Variants in ZBBX observed in about 807,000 individuals in gnomAD.
ZBBX encodes the protein zinc finger B-box domain-containing protein 1.
In ZBBX, 101 loss-of-function variants were observed where a neutral mutation model predicts 108.5. The observed-to-expected ratio is 0.93, with a 90% CI of 0.79 to 1.10. ZBBX has a LOEUF of 1.10. ZBBX is among the 50% of genes least tolerant of loss of function. The pLI is 0.00. For missense variants in ZBBX, 1,009 were observed against 941.4 expected, an observed-to-expected ratio of 1.07 and a Z score of -0.94; for synonymous variants, 356 against 323.4, an observed-to-expected ratio of 1.10 and a Z score of -1.08.
chr3:167,297,551 A>G (rs896403043), intron 18 of ZBBX, among the ~76,000 whole-genome samples: 1 of 151,702 alleles, frequency 6.6e-6, no homozygotes, highest in African/African-American at 2.4e-5. Context: ...TAAAAACTGG[A>G]AAAAAACTGC....
At chr3:167,215,693 C>A in the ZBBX span, among the ~76,000 whole-genome samples, 1 of 152,096 alleles carries the variant, frequency 6.6e-6, no homozygotes. Context: ...AAACTTCAGG[C>A]CAATATTCTT....
chr3:167,396,226 A>G (rs1378729062), intron 1 of ZBBX, among the ~76,000 whole-genome samples: 1 of 151,980 alleles, frequency 6.6e-6, no homozygotes, highest in East Asian at 1.9e-4. Context: ...CTGTTGCAGG[A>G]TACATTTCCC....
chr3:167,232,381 A>G, the ZBBX span, among the ~76,000 whole-genome samples: 4 of 151,974 alleles, frequency 2.6e-5, no homozygotes, highest in East Asian at 7.8e-4. Flanking sequence ...TCACCTTGGC[A>G]TCTATCTGAT....
chr3:167,230,835 T>C, the ZBBX span, among the ~76,000 whole-genome samples: 1 of 151,862 alleles, frequency 6.6e-6, no homozygotes, highest in Non-Finnish European at 1.5e-5. Flanking sequence ...TATGATCTTA[T>C]CTTCATTTTT....
At chr3:167,377,120 A>G (rs1227987309) in intron 2 of ZBBX, among the ~76,000 whole-genome samples, 2 of 152,156 alleles carry the variant, frequency 1.3e-5, no homozygotes, top group Admixed American at 1.3e-4. Flanking sequence ...TTCTGTCTAC[A>G]ACCCCATTTT....
intron 20 of ZBBX, among the ~76,000 whole-genome samples, chr3:167,271,464 A>T (rs1231984276): frequency 6.6e-6 from 1 of 152,154 alleles, no homozygotes; most frequent in Non-Finnish European, 1.5e-5. Flanking sequence ...CCGTGGAAAA[A>T]GAAAAATTAA....
Position 167,386,044 on chromosome 3 carries a change from C to G in ZBBX, c.-445-5639G>C, listed in dbSNP as rs148822133. Among the ~76,000 whole-genome samples, 1,466 of 152,000 alleles carry G rather than the reference C, an allele frequency of 9.6e-3. 17 individuals carry two copies. Among genetic ancestry groups the G allele is most frequent in the African/African-American group, 0.033 (1,365 of 41,466 alleles). On this transcript the variant is annotated intron_variant, in intron 1 of 21. Coordinates refer to the ZBBX transcript ENST00000455345. ...TATTGAACAGGAGTCCAAACTGAACCAGTCAGATACTCTCCTGTGAGAATA... is the reference window on the plus strand; with the variant it reads ...TATTGAACAGGAGTCCAAACTGAACGAGTCAGATACTCTCCTGTGAGAATA...
chr3:167,350,348 G>C, intron 9 of ZBBX, 72 bp downstream of exon 9: 1 of 1,193,074 alleles, frequency 8.4e-7, no homozygotes, highest in Non-Finnish European at 1.2e-6. Flanking sequence ...GATAACTAAA[G>C]ACATTTTAAA....
chr3:167,386,469 C>A (rs755645326), intron 1 of ZBBX, among the ~76,000 whole-genome samples: 35 of 151,880 alleles, frequency 2.3e-4, no homozygotes, highest in Non-Finnish European at 4.7e-4. Flanking sequence ...AGCAGTAGAG[C>A]GTTGATCTGT....
chr3:167,220,724 G>C, the ZBBX span, among the ~76,000 whole-genome samples: 9 of 151,914 alleles, frequency 5.9e-5, no homozygotes, highest in Admixed American at 1.3e-4. Flanking sequence ...AGAAGTCCTA[G>C]CTAGAGCAAT....
downstream of ZBBX, among the ~76,000 whole-genome samples, chr3:167,239,349 T>C (rs1483311663): frequency 6.6e-6 from 1 of 152,098 alleles, no homozygotes; most frequent in Non-Finnish European, 1.5e-5. Flanking sequence ...TAATTGACCC[T>C]TGAAAAACAT....
chr3:167,305,771 G>A lies in ZBBX; in HGVS notation c.1597C>T (p.Leu533=), dbSNP rs1313879802. 5 of 1,612,702 alleles carry A rather than the reference G, an allele frequency of 3.1e-6. No homozygotes were observed. The highest frequency in any genetic ancestry group is 1.7e-6 in the Non-Finnish European group (2 of 1,179,450). The change falls in exon 17 of 22, where the codon CTA becomes TTA. Residue 533 remains leucine, a synonymous_variant. Transcript: ENST00000675490. ...GGAGCTTTTTCTAAATCTCTACCTA[G>A]CAAAGTGTCCTTGCTTTCAAGTGAT... ...CVSLESKDTL[L]GRDLEKAPIE... is the part of the protein sequence containing the mutation.
intron 10 of ZBBX, among the ~76,000 whole-genome samples, chr3:167,330,964 T>TCTCTCTCTCTCTCTCTC (rs1310209358): frequency 6.9e-6 from 1 of 145,824 alleles, no homozygotes; most frequent in African/African-American, 2.5e-5. Context: ...TCTCTCTCTC[T>TCTCTCTCTCTCTCTCTC]CCCCCACTCC....
the ZBBX span, among the ~76,000 whole-genome samples, chr3:167,210,573 G>A: frequency 0.01 from 1,526 of 152,114 alleles, 14 homozygotes; most frequent in South Asian, 0.032. Context: ...AGAACACCAA[G>A]CATATTTAAT....
In ZBBX at chr3:167,365,990, AAAC is replaced by A. The variant is rs1477963787; in HGVS notation, c.183-17_183-15del. On this transcript the variant is annotated splice_polypyrimidine_tract_variant and intron_variant, in intron 5 of 21. Coordinates refer to ENST00000675490, the MANE Select transcript of ZBBX (RefSeq NM_001199201.2). ...TACTCGCTTGACCTTTAATATATAT[AAAC>A]AAGATAAAATGTAATCACTAAACAC... 6.4e-7 allele frequency: 1 copy of A among 1,559,222 alleles called. No homozygotes were observed. The highest frequency in any genetic ancestry group is 1.4e-5 in the African/African-American group (1 of 73,608).
At chr3:167,402,887 GAA>G (rs915875533) in intron 1 of ZBBX, among the ~76,000 whole-genome samples, 1 of 150,812 alleles carries the variant, frequency 6.6e-6, no homozygotes, top group Non-Finnish European at 1.5e-5. Context: ...GTAAAGCATA[GAA>G]AAAAAGGCAT....
At chr3:167,303,129 A>G (rs547952289) in intron 17 of ZBBX, among the ~76,000 whole-genome samples, 6 of 152,250 alleles carry the variant, frequency 3.9e-5, no homozygotes, top group Admixed American at 1.3e-4. Flanking sequence ...ACTTAACTAT[A>G]CTATTTTTCC....
downstream of ZBBX, among the ~76,000 whole-genome samples, chr3:167,237,870 T>A (rs945056498): frequency 2.0e-5 from 3 of 151,952 alleles, no homozygotes. Flanking sequence ...AGCAGCATCA[T>A]ATAAAATGAT....
chr3:167,394,035 C>T (rs1224494137), intron 1 of ZBBX, among the ~76,000 whole-genome samples: 1 of 151,898 alleles, frequency 6.6e-6, no homozygotes, highest in Non-Finnish European at 1.5e-5. Flanking sequence ...ATTTTCCATA[C>T]ATACCAAAAT....
Sources: allele counts gnomAD v4.1 joint callset (sites outside exome capture counted in the v4.1 genomes callset), GRCh38; gene constraint gnomAD v4.1.1; transcripts MANE v1.5; gene names NCBI Gene and HGNC (gene_info 2026-07-23, HGNC 2026-07-21).